Variants in CHL1 observed in about 807,000 individuals in gnomAD.
CHL1 encodes neural cell adhesion molecule L1-like protein.
CHL1 carries 96 observed loss-of-function variants against 141.9 expected under a neutral mutation model. The ratio of observed to expected loss-of-function variants is 0.68; its 90% CI spans 0.57 to 0.80. The LOEUF is 0.80. Among genes scored for constraint, CHL1 ranks in the 30% least tolerant of loss-of-function variants. CHL1 has a pLI of 0.00. For synonymous variants in CHL1, 613 were observed against 502.2 expected, an observed-to-expected ratio of 1.22 and a Z score of -2.95; for missense variants, 1,820 against 1,457.2, an observed-to-expected ratio of 1.25 and a Z score of -4.05.
intron 2 of CHL1, among the ~76,000 whole-genome samples, chr3:293,103 T>C (rs1017242940): frequency 1.3e-5 from 2 of 152,236 alleles, no homozygotes; most frequent in Non-Finnish European, 2.9e-5. Context: ...AATACATAGA[T>C]ATAGCACAGT....
At chr3:282,063 T>C (rs78133813) in intron 2 of CHL1, among the ~76,000 whole-genome samples, 2,103 of 152,282 alleles carry the variant, frequency 0.014, 45 homozygotes, top group African/African-American at 0.049. Flanking sequence ...TTTGCTTTTT[T>C]ATTCCTTCAT....
chr3:336,300 T>A (rs1422853150), intron 5 of CHL1, among the ~76,000 whole-genome samples: 1 of 152,198 alleles, frequency 6.6e-6, no homozygotes. Context: ...TCTATTTTGT[T>A]CCTAGAGTGC....
intron 2 of CHL1, among the ~76,000 whole-genome samples, chr3:275,293 A>G (rs1695988884): frequency 6.6e-6 from 1 of 152,264 alleles, no homozygotes; most frequent in Non-Finnish European, 1.5e-5. Context: ...TAATTTATTT[A>G]TTCAAACTTC....
intron 2 of CHL1, among the ~76,000 whole-genome samples, chr3:292,728 G>C (rs1314295962): frequency 6.6e-6 from 1 of 152,186 alleles, no homozygotes; most frequent in Admixed American, 6.5e-5. Context: ...TTTTACTCAT[G>C]GTGGAAGGTG....
At chr3:294,665 T>TATATTTTTTTCCAAA (rs1331836198) in intron 2 of CHL1, among the ~76,000 whole-genome samples, 2 of 150,108 alleles carry the variant, frequency 1.3e-5, no homozygotes, top group African/African-American at 5.0e-5. Flanking sequence ...TATAGAATTA[T>TATATTTTTTTCCAAA]TATATTAGTA....
At chr3:225,889 G>A (rs913326988) in intron 1 of CHL1, among the ~76,000 whole-genome samples, 21 of 151,796 alleles carry the variant, frequency 1.4e-4, no homozygotes, top group African/African-American at 4.8e-4. Context: ...GGCACCTGTA[G>A]TCCCAGCTAC....
At chr3:280,378 A>T (rs1031207466) in intron 2 of CHL1, among the ~76,000 whole-genome samples, 1 of 152,186 alleles carries the variant, frequency 6.6e-6, no homozygotes, top group African/African-American at 2.4e-5. Context: ...TCTTACTAGA[A>T]AAGAGAATCT....
intron 3 of CHL1, among the ~76,000 whole-genome samples, chr3:320,257 G>A (rs895147669): frequency 5.3e-5 from 8 of 152,108 alleles, no homozygotes; most frequent in African/African-American, 1.9e-4. Flanking sequence ...GGAATTGGAT[G>A]AACTTTGTAT....
intron 9 of CHL1, among the ~76,000 whole-genome samples, chr3:349,100 G>C (rs1450288003): frequency 6.6e-6 from 1 of 152,170 alleles, no homozygotes; most frequent in Non-Finnish European, 1.5e-5. Flanking sequence ...CATGTAGTTA[G>C]CCCTTGTAAT....
chr3:230,782 CT>C (rs1342559415), intron 1 of CHL1, among the ~76,000 whole-genome samples: 1 of 152,128 alleles, frequency 6.6e-6, no homozygotes, highest in Non-Finnish European at 1.5e-5. Flanking sequence ...CAATAAAACT[CT>C]ACTAAGCAAT....
chr3:394,019 G>A (rs1472268805), intron 23 of CHL1, among the ~76,000 whole-genome samples: 2 of 152,100 alleles, frequency 1.3e-5, no homozygotes, highest in Admixed American at 1.3e-4. Context: ...TTGGACTATT[G>A]TTACAGTAAT....
At chr3:321,641 A>G (rs1313758671) in intron 3 of CHL1, among the ~76,000 whole-genome samples, 1 of 152,098 alleles carries the variant, frequency 6.6e-6, no homozygotes, top group East Asian at 1.9e-4. Context: ...AAGGATGTGA[A>G]ATTTTGTATT....
chr3:207,292 C>A (rs1226622720), intron 1 of CHL1, among the ~76,000 whole-genome samples: 5 of 152,170 alleles, frequency 3.3e-5, no homozygotes, highest in Non-Finnish European at 5.9e-5. Context: ...CCTGCTTTGG[C>A]TAGACAGGAG....
At chr3:213,919 C>T (rs1700096672) in intron 1 of CHL1, among the ~76,000 whole-genome samples, 1 of 152,090 alleles carries the variant, frequency 6.6e-6, no homozygotes, top group African/African-American at 2.4e-5. Flanking sequence ...ATTTAAATAC[C>T]TGTCTCAAGT....
intron 5 of CHL1, among the ~76,000 whole-genome samples, chr3:337,191 G>GTT (rs71058767): frequency 1.8e-4 from 5 of 27,654 alleles, no homozygotes; most frequent in East Asian, 1.1e-3. Flanking sequence ...TTTTGTTTTT[G>GTT]TTTTTTTTTT....
chr3:257,184 G>A (rs369038), intron 2 of CHL1, among the ~76,000 whole-genome samples: 56,743 of 151,802 alleles, frequency 0.37, 10,863 homozygotes, highest in South Asian at 0.61. Flanking sequence ...ATGATCATAC[G>A]TAATCTAAGA....
At chr3:199,340 C>T (rs1037002579) in intron 1 of CHL1, among the ~76,000 whole-genome samples, 7 of 152,210 alleles carry the variant, frequency 4.6e-5, no homozygotes, top group African/African-American at 1.7e-4. Flanking sequence ...TTCACTGCAG[C>T]ACAAGACTAT....
At chr3:340,256 T>C (rs1352616376) in intron 5 of CHL1, among the ~76,000 whole-genome samples, 3 of 152,314 alleles carry the variant, frequency 2.0e-5, no homozygotes, top group Admixed American at 6.5e-5. Context: ...CTGGCTCTTT[T>C]TGCAACTTAA....
intron 27 of CHL1, among the ~76,000 whole-genome samples, chr3:402,248 G>C (rs747630848): frequency 6.6e-6 from 1 of 152,184 alleles, no homozygotes; most frequent in African/African-American, 2.4e-5. Flanking sequence ...GATAAGCTAA[G>C]CCTTAAAGGA....
Sources: allele counts gnomAD v4.1 joint callset (sites outside exome capture counted in the v4.1 genomes callset), GRCh38; gene constraint gnomAD v4.1.1; transcripts MANE v1.5; gene names NCBI Gene and HGNC (gene_info 2026-07-23, HGNC 2026-07-21).